The following RPS6KC1 variants were observed in gnomAD, a reference collection of about 807,000 sequenced individuals.
The protein encoded by RPS6KC1 is inactive ribosomal protein S6 kinase delta-1.
RPS6KC1 carries 54 observed loss-of-function variants against 103.8 expected under a neutral mutation model. The ratio of observed to expected loss-of-function variants is 0.52; its 90% CI spans 0.42 to 0.65. The LOEUF is 0.65. Among genes scored for constraint, RPS6KC1 ranks in the 30% least tolerant of loss-of-function variants. RPS6KC1 has a pLI of 0.00. For missense variants in RPS6KC1, 1,151 were observed against 1,253.8 expected (o/e 0.92, Z 1.24); for synonymous variants, 439 against 438.7 (o/e 1.00, Z -0.01).
chr1:213,084,208 T>C (rs17742003), intron 3 of RPS6KC1, among the ~76,000 whole-genome samples: 5,186 of 152,084 alleles, frequency 0.034, 122 homozygotes, highest in Middle Eastern at 0.054. Context: ...AGCACACACA[T>C]ATAAAATATA....
chr1:213,104,276 C>T (rs1008329454), intron 3 of RPS6KC1, among the ~76,000 whole-genome samples, 178 bp from the exon 4 acceptor site: 2 of 152,136 alleles, frequency 1.3e-5, no homozygotes, highest in South Asian at 2.1e-4. Context: ...ATTTTCTTTT[C>T]TACTGAGAGT....
the RPS6KC1 span, among the ~76,000 whole-genome samples, chr1:213,347,167 T>C: frequency 6.6e-6 from 1 of 151,900 alleles, no homozygotes; most frequent in Admixed American, 6.6e-5. Context: ...GTAAATATAC[T>C]TCAAAGGAAG....
the RPS6KC1 span, among the ~76,000 whole-genome samples, chr1:213,317,364 A>C: frequency 1.3e-5 from 2 of 152,194 alleles, no homozygotes; most frequent in East Asian, 3.9e-4. Context: ...TGCCATAAGA[A>C]AAAGGTAGGT....
the RPS6KC1 span, among the ~76,000 whole-genome samples, chr1:213,506,184 G>A: frequency 1.3e-5 from 2 of 152,156 alleles, no homozygotes; most frequent in Admixed American, 6.5e-5. Context: ...TGGCATTGCT[G>A]TCCTTTCTTC....
chr1:213,572,498 T>G, the RPS6KC1 span, among the ~76,000 whole-genome samples: 3 of 152,256 alleles, frequency 2.0e-5, no homozygotes, highest in Non-Finnish European at 4.4e-5. Flanking sequence ...TGGGGAAATA[T>G]TATTATGTTC....
chr1:213,728,947 TG>T, the RPS6KC1 span, among the ~76,000 whole-genome samples: 346 of 77,110 alleles, frequency 4.5e-3, 52 homozygotes, highest in Middle Eastern at 0.036. Flanking sequence ...GTTTTTTTTT[TG>T]TTTTTTTTTT....
the RPS6KC1 span, among the ~76,000 whole-genome samples, chr1:213,382,587 T>C: frequency 6.7e-6 from 1 of 150,182 alleles, no homozygotes. Flanking sequence ...AGGCGTGGCC[T>C]GGGTGGTATA....
the RPS6KC1 span, among the ~76,000 whole-genome samples, chr1:213,511,030 G>A: frequency 3.9e-5 from 6 of 152,182 alleles, no homozygotes; most frequent in Admixed American, 2.6e-4. Context: ...AAATCCGAAA[G>A]AGAAGTGAGA....
At chr1:213,225,786 T>C (rs891240502) in intron 8 of RPS6KC1, among the ~76,000 whole-genome samples, 2 of 152,156 alleles carry the variant, frequency 1.3e-5, no homozygotes, top group African/African-American at 4.8e-5. Flanking sequence ...TTTTGTTGAG[T>C]CAATTAAGGG....
the RPS6KC1 span, among the ~76,000 whole-genome samples, chr1:213,379,147 T>G: frequency 6.6e-6 from 1 of 152,218 alleles, no homozygotes; most frequent in African/African-American, 2.4e-5. Context: ...AACACCTACC[T>G]TACAGGACTG....
chr1:213,094,612 A>T (rs1427023116), intron 3 of RPS6KC1, among the ~76,000 whole-genome samples: 4 of 152,126 alleles, frequency 2.6e-5, no homozygotes, highest in African/African-American at 9.7e-5. Flanking sequence ...ACTTCCTGTG[A>T]GAGAGAGACA....
the RPS6KC1 span, among the ~76,000 whole-genome samples, chr1:213,695,029 G>A: frequency 2.0e-5 from 3 of 152,100 alleles, no homozygotes; most frequent in East Asian, 3.9e-4. Flanking sequence ...GGAAGGTCTC[G>A]GAAGAGTTGA....
At chr1:213,127,200 C>T (rs2148975238) in intron 5 of RPS6KC1, among the ~76,000 whole-genome samples, 1 of 152,150 alleles carries the variant, frequency 6.6e-6, no homozygotes, top group African/African-American at 2.4e-5. Flanking sequence ...GATAATAATG[C>T]CAGGACATTC....
the RPS6KC1 span, among the ~76,000 whole-genome samples, chr1:213,320,903 C>G: frequency 6.6e-6 from 1 of 152,192 alleles, no homozygotes; most frequent in Non-Finnish European, 1.5e-5. Context: ...ATTTCGGCCC[C>G]CTTTCCCCTG....
the RPS6KC1 span, among the ~76,000 whole-genome samples, chr1:213,332,254 G>A: frequency 1.3e-3 from 199 of 152,240 alleles, 2 homozygotes; most frequent in African/African-American, 4.4e-3. Flanking sequence ...ACTGTACATC[G>A]TTGGCACCCA....
the RPS6KC1 span, among the ~76,000 whole-genome samples, chr1:213,859,011 C>T: frequency 1.3e-5 from 2 of 152,186 alleles, no homozygotes; most frequent in Non-Finnish European, 2.9e-5. Flanking sequence ...CATCGTTTCT[C>T]ATGATGAGCT....
the RPS6KC1 span, chr1:213,836,149 A>T: frequency 1.3e-5 from 2 of 152,188 alleles, no homozygotes; most frequent in Non-Finnish European, 2.9e-5. Context: ...GAGAGTAAAA[A>T]ATGGAAGGCT....
chr1:213,681,204 C>A, the RPS6KC1 span, among the ~76,000 whole-genome samples: 2 of 152,190 alleles, frequency 1.3e-5, no homozygotes, highest in African/African-American at 4.8e-5. Context: ...TCCCCAGACA[C>A]CGCCAACCAT....
intron 8 of RPS6KC1, among the ~76,000 whole-genome samples, chr1:213,205,547 G>GATATATATATATATATAT (rs764745657): frequency 3.9e-5 from 4 of 102,446 alleles, no homozygotes; most frequent in Non-Finnish European, 3.9e-5. Context: ...TATATATATA[G>GATATATATATATATATAT]ATATATATAT....
Sources: gnomAD v4.1 joint callset for allele counts (sites outside exome capture counted in the v4.1 genomes callset) on GRCh38, gnomAD v4.1.1 for gene constraint, MANE v1.5 for transcripts, NCBI Gene and HGNC (gene_info 2026-07-23, HGNC 2026-07-21) for gene names.